FMN2: variants seen among roughly 807,000 people sequenced by gnomAD.
FMN2 encodes formin 2.
In FMN2, 51 loss-of-function variants were observed where a neutral mutation model predicts 142.3. That is an observed-to-expected ratio of 0.36 (90% CI 0.29 to 0.45). The LOEUF (loss-of-function observed/expected upper bound fraction) is 0.45, where lower values mean the gene tolerates loss of function less well. FMN2 is among the 20% of genes least tolerant of loss of function. FMN2 has a pLI of 1.00. For synonymous variants in FMN2, 882 were observed against 869.8 expected, an observed-to-expected ratio of 1.01 and a Z score of -0.25; for missense variants, 1,936 against 2,122.8, an observed-to-expected ratio of 0.91 and a Z score of 1.73.
intron 2 of FMN2, among the ~76,000 whole-genome samples, chr1:240,139,879 G>A (rs1345545464): frequency 6.6e-6 from 1 of 152,182 alleles, no homozygotes; most frequent in Non-Finnish European, 1.5e-5. Flanking sequence ...GCCTAAAGGG[G>A]TGGTTTAAAG....
At chr1:240,250,666 T>A (rs1668246378) in intron 6 of FMN2, among the ~76,000 whole-genome samples, 1 of 151,990 alleles carries the variant, frequency 6.6e-6, no homozygotes, top group Non-Finnish European at 1.5e-5. Flanking sequence ...TGAGGAAAAT[T>A]AGTGTTCTTT....
chr1:240,364,150 A>G (rs1004457526), intron 14 of FMN2, among the ~76,000 whole-genome samples: 2 of 152,166 alleles, frequency 1.3e-5, no homozygotes, highest in African/African-American at 4.8e-5. Context: ...ATGAGGAAAC[A>G]AATTCTCAGA....
Position 240,334,254 on chromosome 1 carries a change from T to C in FMN2, c.4765+25T>C, listed in dbSNP as rs1359781302. ...GGTAACTTAAAATCCTGAACTCATG[T>C]TTTCTGTTTATGCTTTTTTAATGAG... On this transcript the variant is annotated intron_variant, in intron 13 of 17. Coordinates refer to ENST00000319653, the MANE Select transcript of FMN2 (RefSeq NM_020066.5). 1.9e-6 allele frequency: 3 copies of C among 1,564,700 alleles called. No homozygotes were observed. In the African/African-American group the frequency reaches 4.2e-5, roughly 22 times the overall value.
intron 13 of FMN2, among the ~76,000 whole-genome samples, chr1:240,349,494 C>CAA (rs35618215): frequency 1.1e-4 from 17 of 149,220 alleles, no homozygotes; most frequent in African/African-American, 2.0e-4. Flanking sequence ...ATTCCCTACT[C>CAA]AAAAAAAAAA....
chr1:240,183,455 AAT>A (rs1665236662), intron 3 of FMN2, among the ~76,000 whole-genome samples: 1 of 148,174 alleles, frequency 6.7e-6, no homozygotes, highest in African/African-American at 2.5e-5. Flanking sequence ...TATATAATAT[AAT>A]ATATATAAAT....
At chr1:240,294,936 T>A in intron 8 of FMN2, 53 bp downstream of exon 8, 1 of 1,502,932 alleles carries the variant, frequency 6.7e-7, no homozygotes, top group Non-Finnish European at 9.2e-7. Flanking sequence ...ACACAGTACA[T>A]GTCTATGTGC....
chr1:240,172,536 A>G (rs1171313132), intron 2 of FMN2, among the ~76,000 whole-genome samples: 1 of 152,190 alleles, frequency 6.6e-6, no homozygotes, highest in African/African-American at 2.4e-5. Flanking sequence ...TAATTTTCAT[A>G]GTTCTTTTCA....
intron 3 of FMN2, among the ~76,000 whole-genome samples, chr1:240,183,208 T>G (rs1437018982): frequency 2.0e-5 from 3 of 151,778 alleles, no homozygotes; most frequent in Admixed American, 1.3e-4. Context: ...TGAGCCACCA[T>G]GCCTGGTCCA....
rs191144876 is a variant in FMN2, at chr1:240,222,079, G to A, written c.4065+10844G>A. On this transcript the variant is annotated intron_variant, in intron 6 of 17. Transcript: ENST00000319653. ...TCACTATGATGGCCAGGCTGGTCTCGAACTCCTGGCCTCAAGTCACCCACC... is the reference window on the plus strand; with the variant it reads ...TCACTATGATGGCCAGGCTGGTCTCAAACTCCTGGCCTCAAGTCACCCACC... 4.8e-3 allele frequency among the ~76,000 whole-genome samples: 706 copies of A among 147,816 alleles called. 7 individuals carry two copies. Among genetic ancestry groups the A allele is most frequent in the African/African-American group, 0.017 (677 of 39,816 alleles).
chr1:240,259,845 A>G (rs1668569932), intron 7 of FMN2, among the ~76,000 whole-genome samples: 1 of 152,118 alleles, frequency 6.6e-6, no homozygotes. Flanking sequence ...TTTGGTGCAC[A>G]CATCACCCAA....
intron 1 of FMN2, among the ~76,000 whole-genome samples, chr1:240,101,065 C>T (rs1572747592): frequency 6.6e-6 from 1 of 152,284 alleles, no homozygotes; most frequent in South Asian, 2.1e-4. Flanking sequence ...AAGCTAGTGT[C>T]AGCACTATGG....
chr1:240,465,487 A>T (rs1176066988), intron 16 of FMN2, among the ~76,000 whole-genome samples: 1 of 151,988 alleles, frequency 6.6e-6, no homozygotes, highest in Admixed American at 6.6e-5. Context: ...AATATTGTGA[A>T]CTGGTAGTAA....
intron 7 of FMN2, among the ~76,000 whole-genome samples, chr1:240,273,199 A>G (rs1310501434): frequency 1.3e-5 from 2 of 152,218 alleles, no homozygotes; most frequent in South Asian, 4.1e-4. Context: ...TGTCTGCAAG[A>G]TTCCGATTAA....
intron 13 of FMN2, among the ~76,000 whole-genome samples, chr1:240,343,053 C>G (rs985239395): frequency 1.3e-5 from 2 of 152,154 alleles, no homozygotes; most frequent in Non-Finnish European, 2.9e-5. Context: ...TGATTATTTA[C>G]TGGTTCCTGA....
intron 1 of FMN2, among the ~76,000 whole-genome samples, chr1:240,114,659 T>G (rs1661951201): frequency 1.4e-5 from 2 of 146,526 alleles, no homozygotes; most frequent in Admixed American, 6.7e-5. Context: ...ATCATTTCTT[T>G]TTTTTTTTTT....
At chr1:240,365,320 TACAC>T (rs144579291) in intron 14 of FMN2, among the ~76,000 whole-genome samples, 8 of 129,052 alleles carry the variant, frequency 6.2e-5, no homozygotes. Flanking sequence ...CACATATATA[TACAC>T]ACACACACAT....
intron 8 of FMN2, among the ~76,000 whole-genome samples, chr1:240,300,898 GT>G (rs10693362): frequency 1.7e-3 from 245 of 142,684 alleles, no homozygotes; most frequent in African/African-American, 5.0e-3. Flanking sequence ...CTGTGTGCAT[GT>G]TTTTTTTTTT....
intron 1 of FMN2, among the ~76,000 whole-genome samples, chr1:240,119,236 G>A (rs1326535844): frequency 1.3e-5 from 2 of 151,850 alleles, no homozygotes; most frequent in Non-Finnish European, 2.9e-5. Context: ...GGCTGAGGCA[G>A]GAGAATTGCT....
intron 7 of FMN2, among the ~76,000 whole-genome samples, chr1:240,282,660 C>T (rs1181318578): frequency 6.6e-6 from 1 of 152,216 alleles, no homozygotes; most frequent in Non-Finnish European, 1.5e-5. Context: ...TGTGTGCATA[C>T]TCAAAGGCCC....
Sources: gnomAD v4.1 joint callset for allele counts (sites outside exome capture counted in the v4.1 genomes callset) on GRCh38, gnomAD v4.1.1 for gene constraint, MANE v1.5 for transcripts, NCBI Gene and HGNC (gene_info 2026-07-23, HGNC 2026-07-21) for gene names.